Variants in IL1RAPL2 observed in about 807,000 individuals in gnomAD.
The protein encoded by IL1RAPL2 is interleukin 1 receptor accessory protein like 2, also known as X-linked interleukin-1 receptor accessory protein-like 2.
IL1RAPL2 carries 3 observed loss-of-function variants against 44.1 expected under a neutral mutation model. That is an observed-to-expected ratio of 0.07 (90% CI 0.03 to 0.18). The LOEUF (loss-of-function observed/expected upper bound fraction) is 0.18, where lower values mean the gene tolerates loss of function less well. IL1RAPL2 is among the 10% of genes least tolerant of loss of function. The pLI, the probability that IL1RAPL2 is intolerant of heterozygous loss-of-function variation, is 1.00. For missense variants in IL1RAPL2, 391 were observed against 496.4 expected (o/e 0.79, Z 2.02); for synonymous variants, 181 against 178.8 (o/e 1.01, Z -0.10).
intron 9 of IL1RAPL2, 137 bp from the exon 10 acceptor site, chrX:105,755,040 T>G: frequency 2.4e-6 from 1 of 416,090 alleles, no homozygotes; most frequent in Non-Finnish European, 4.2e-6. Flanking sequence ...GGGATTAGAT[T>G]TCCTATAACA....
chrX:104,915,313 CCAGTGATGAT>C (rs1184293156), intron 2 of IL1RAPL2, among the ~76,000 whole-genome samples: 1 of 110,294 alleles, frequency 9.1e-6, no homozygotes, highest in Non-Finnish European at 1.9e-5. Context: ...TCTCTGATGG[CCAGTGATGAT>C]GAGCATTTTT....
At position 104,731,185 on chromosome X, in the gene IL1RAPL2, G is replaced by A. The variant is rs1360738068; in HGVS notation, c.82+72190G>A. Reference sequence around the variant, plus strand: ...TTGTAGGTTGTCTGTTCACTCTGATGGTAGTTTCTTTTGCTGTGCAGAAGC... The same window carrying A: ...TTGTAGGTTGTCTGTTCACTCTGATAGTAGTTTCTTTTGCTGTGCAGAAGC... On this transcript the variant is annotated intron_variant, in intron 2 of 10. Coordinates refer to ENST00000372582, the MANE Select transcript of IL1RAPL2 (RefSeq NM_017416.2). Among the ~76,000 whole-genome samples the A allele has an allele frequency of 6.4e-5, 7 of 109,704 alleles. 1 individual carries two copies. Among genetic ancestry groups the A allele is most frequent in the Admixed American group, 3.9e-4 (4 of 10,280 alleles).
At chrX:105,248,516 T>TA (rs908221074) in intron 4 of IL1RAPL2, among the ~76,000 whole-genome samples, 4 of 111,346 alleles carry the variant, frequency 3.6e-5, no homozygotes, top group Non-Finnish European at 7.6e-5. Context: ...AATGACACTA[T>TA]AAAACACATT....
At chrX:105,331,559 A>G (rs1206616451) in intron 5 of IL1RAPL2, among the ~76,000 whole-genome samples, 1 of 111,222 alleles carries the variant, frequency 9.0e-6, no homozygotes, top group Admixed American at 9.6e-5. Flanking sequence ...TGGTCTCCTA[A>G]TTTATCTAAA....
intron 2 of IL1RAPL2, among the ~76,000 whole-genome samples, chrX:104,821,321 G>A (rs1337520968): frequency 1.8e-5 from 2 of 110,328 alleles, no homozygotes; most frequent in Non-Finnish European, 3.8e-5. Context: ...AGGTATACGT[G>A]TGCCATGGTG....
intron 2 of IL1RAPL2, among the ~76,000 whole-genome samples, chrX:104,908,405 T>A (rs1390532141): frequency 8.9e-6 from 1 of 111,883 alleles, no homozygotes; most frequent in Non-Finnish European, 1.9e-5. Context: ...GTCTCTATGG[T>A]CTTTACATTT....
chrX:104,951,044 G>C lies in IL1RAPL2; in HGVS notation c.83-244431G>C, dbSNP rs1008106534. On this transcript the variant is annotated intron_variant, in intron 2 of 10. Transcript: ENST00000372582. ...GCCTCGCCCTGCTTCGGCTCGCTCA[G>C]GGTGCGTGCACCCACTGACCTGCGC... Among the ~76,000 whole-genome samples the C allele has an allele frequency of 3.6e-5, 4 of 111,745 alleles. No homozygotes were observed. In the Admixed American group the frequency reaches 3.8e-4, roughly 11 times the overall value.
At chrX:105,159,724 G>A (rs1326754023) in intron 2 of IL1RAPL2, among the ~76,000 whole-genome samples, 1 of 111,736 alleles carries the variant, frequency 8.9e-6, no homozygotes, top group Admixed American at 9.5e-5. Flanking sequence ...AAGCACTTCA[G>A]GCTGACTCCT....
At chrX:104,717,893 A>G in intron 2 of IL1RAPL2, among the ~76,000 whole-genome samples, 1 of 109,805 alleles carries the variant, frequency 9.1e-6, no homozygotes, top group East Asian at 2.9e-4. Context: ...GCTGCGAATG[A>G]TGGTTTCCAG....
intron 2 of IL1RAPL2, among the ~76,000 whole-genome samples, chrX:104,786,014 C>T (rs1297472112): frequency 1.8e-5 from 2 of 112,474 alleles, no homozygotes; most frequent in Admixed American, 9.4e-5. Context: ...TCTTCAGAAG[C>T]AGCCCATTAA....
intron 2 of IL1RAPL2, among the ~76,000 whole-genome samples, chrX:104,889,133 A>G (rs1373987125): frequency 9.1e-6 from 1 of 110,376 alleles, no homozygotes; most frequent in Non-Finnish European, 1.9e-5. Flanking sequence ...AGGGCCCCCA[A>G]AAGTCATCAT....
intron 2 of IL1RAPL2, among the ~76,000 whole-genome samples, chrX:105,082,302 C>A (rs923899410): frequency 1.8e-5 from 2 of 111,867 alleles, no homozygotes; most frequent in Non-Finnish European, 3.8e-5. Context: ...GTTTGTATTT[C>A]TGTGGGATTG....
chrX:105,156,239 T>G (rs2033267642), intron 2 of IL1RAPL2, among the ~76,000 whole-genome samples: 1 of 111,733 alleles, frequency 8.9e-6, no homozygotes, highest in African/African-American at 3.3e-5. Flanking sequence ...ATTGTTTCCT[T>G]TCATCCTCTT....
At chrX:105,034,968 C>T (rs1241772138) in intron 2 of IL1RAPL2, among the ~76,000 whole-genome samples, 3 of 111,521 alleles carry the variant, frequency 2.7e-5, no homozygotes, top group African/African-American at 9.8e-5. Context: ...GCCTGGCTGC[C>T]ACCTTGCAGT....
At chrX:105,493,294 G>C (rs2036334262) in intron 6 of IL1RAPL2, among the ~76,000 whole-genome samples, 1 of 111,582 alleles carries the variant, frequency 9.0e-6, no homozygotes, top group Non-Finnish European at 1.9e-5. Flanking sequence ...GAGTAGAATT[G>C]CTGGGTCATT....
At chrX:105,211,125 C>A in intron 3 of IL1RAPL2, among the ~76,000 whole-genome samples, 1 of 111,423 alleles carries the variant, frequency 9.0e-6, no homozygotes, top group Non-Finnish European at 1.9e-5. Context: ...AGATTTTCCT[C>A]CTACATTTAT....
intron 6 of IL1RAPL2, among the ~76,000 whole-genome samples, chrX:105,687,324 C>G (rs1430543929): frequency 1.8e-5 from 2 of 109,466 alleles, no homozygotes; most frequent in African/African-American, 6.6e-5. Context: ...AATTGATAGA[C>G]CGCTAGCAAG....
intron 2 of IL1RAPL2, among the ~76,000 whole-genome samples, chrX:104,844,490 C>T (rs915480209): frequency 9.0e-6 from 1 of 111,096 alleles, no homozygotes; most frequent in African/African-American, 3.3e-5. Context: ...ATATAGTAGG[C>T]AGTATTTACA....
At position 104,692,281 on chromosome X, in the gene IL1RAPL2, A is replaced by G. The variant is rs775594899; in HGVS notation, c.82+33286A>G. ...CACTTTTTCTATCAAAAAGCTACAC[A>G]CAAAAATTACAATACACCTTATTTT... On this transcript the variant is annotated intron_variant, in intron 2 of 10. Transcript: ENST00000372582. Among the ~76,000 whole-genome samples the G allele has an allele frequency of 4.5e-5, 5 of 110,682 alleles. No homozygotes were observed. The South Asian group carries it at 1.9e-3, about 43-fold the overall frequency.
Sources: gnomAD v4.1 joint callset for allele counts (sites outside exome capture counted in the v4.1 genomes callset) on GRCh38, gnomAD v4.1.1 for gene constraint, MANE v1.5 for transcripts, NCBI Gene and HGNC (gene_info 2026-07-23, HGNC 2026-07-21) for gene names.